WNT7B: variants seen among roughly 807,000 people sequenced by gnomAD.
WNT7B encodes the protein protein Wnt-7b.
WNT7B carries 19 observed loss-of-function variants against 38.2 expected under a neutral mutation model. That is an observed-to-expected ratio of 0.50 (90% CI 0.35 to 0.73). The LOEUF (loss-of-function observed/expected upper bound fraction) is 0.73. Ranked by LOEUF, WNT7B falls within the 30% of genes least tolerant of loss-of-function variation. WNT7B has a pLI of 0.01. For missense variants in WNT7B, 423 were observed against 507.9 expected, an observed-to-expected ratio of 0.83 and a Z score of 1.61; for synonymous variants, 243 against 209.3, an observed-to-expected ratio of 1.16 and a Z score of -1.39.
intron 2 of WNT7B, among the ~76,000 whole-genome samples, chr22:45,934,207 G>A (rs553837024): frequency 3.0e-4 from 46 of 152,328 alleles, no homozygotes; most frequent in African/African-American, 8.9e-4. Context: ...GAAGGCTGAC[G>A]GAGGAGCAAA....
intron 2 of WNT7B, among the ~76,000 whole-genome samples, chr22:45,933,908 T>A (rs1057429055): frequency 6.6e-6 from 1 of 152,070 alleles, no homozygotes; most frequent in Non-Finnish European, 1.5e-5. Flanking sequence ...TCTGTCCAGG[T>A]GCCAGGGCCA....
intron 3 of WNT7B, among the ~76,000 whole-genome samples, chr22:45,927,971 G>A (rs931436797): frequency 6.6e-6 from 1 of 152,214 alleles, no homozygotes; most frequent in African/African-American, 2.4e-5. Flanking sequence ...CTGGAGGGAT[G>A]TGGCCACAGC....
At chr22:45,928,008 C>A (rs1173870357) in intron 3 of WNT7B, among the ~76,000 whole-genome samples, 1 of 152,200 alleles carries the variant, frequency 6.6e-6, no homozygotes, top group Admixed American at 6.5e-5. Flanking sequence ...CTGAGGAATG[C>A]TGCGAGAGCC....
chr22:45,937,683 C>A (rs182302038), intron 2 of WNT7B, among the ~76,000 whole-genome samples: 2 of 152,374 alleles, frequency 1.3e-5, no homozygotes, highest in Non-Finnish European at 2.9e-5. Context: ...CAGTTCAATT[C>A]TCCTCCCGTA....
intron 1 of WNT7B, chr22:45,972,116 G>GGGGGGGGGGGCCCCCCCCCCCCCCCCCC: frequency 1.9e-6 from 1 of 530,744 alleles, no homozygotes; most frequent in Non-Finnish European, 3.3e-6. Context: ...CCCGGGGGGA[G>GGGGGGGGGGGCCCCCCCCCCCCCCCCCC]CCCACCCGCC....
chr22:45,922,820 G>C lies in WNT7B; in HGVS notation c.*36C>G. ...GAGTGGATGTGCAAAATGCCGCCGG[G>C]TTCCAGGGTGCCCGCGGCCGCCTCC... On this transcript the variant is annotated 3_prime_UTR_variant, in exon 4 of 4. Transcript: ENST00000339464. 1 of 1,566,954 alleles carries C rather than the reference G, an allele frequency of 6.4e-7. No homozygotes were observed. The highest frequency in any genetic ancestry group is 8.7e-7 in the Non-Finnish European group (1 of 1,153,290).
intron 1 of WNT7B, among the ~76,000 whole-genome samples, chr22:45,953,924 C>T (rs1209166152): frequency 6.6e-6 from 1 of 152,084 alleles, no homozygotes; most frequent in Non-Finnish European, 1.5e-5. Context: ...TCAAATGAAC[C>T]GAAGACAGGT....
chr22:45,928,364 G>A (rs1420367628), intron 3 of WNT7B, among the ~76,000 whole-genome samples: 1 of 152,180 alleles, frequency 6.6e-6, no homozygotes, highest in Non-Finnish European at 1.5e-5. Context: ...CCTTCTCCAA[G>A]GGCTCAGACC....
In WNT7B at chr22:45,975,836, C is replaced by G. The variant is rs899102562; in HGVS notation, c.71+848G>C. ...CCCCAGGCGAGGTGCACCGCACCCC[C>G]TCTCCGTCACGCCGTTTCTCCACCC... On this transcript the variant is annotated intron_variant, in intron 1 of 3. Coordinates refer to ENST00000339464, the MANE Select transcript of WNT7B (RefSeq NM_058238.3). This position sits in a 1 kb window ranked among gnomAD's most constrained non-coding sequence, Gnocchi z 6.6. 2.1e-5 allele frequency: 6 copies of G among 286,622 alleles called. No individual in the cohort carries two copies. Among genetic ancestry groups the G allele is most frequent in the Non-Finnish European group, 3.8e-5 (6 of 156,338 alleles). 17.8% of individuals were successfully genotyped at this position (286,622 alleles called of 1,614,324 possible).
rs1230417871 is a variant in WNT7B, at chr22:45,965,144, C to G, written c.71+11540G>C. Among the ~76,000 whole-genome samples, 1 of 152,122 alleles carries G rather than the reference C, an allele frequency of 6.6e-6. No homozygotes were observed. On this transcript the variant is annotated intron_variant, in intron 1 of 3. Transcript: ENST00000339464. This position sits in a 1 kb window ranked among gnomAD's most constrained non-coding sequence, Gnocchi z 6.5. ...CTCCCCACTCCTGATGCTGCCACAT[C>G]CTCTTCACACCTCCAGGTCTTTGCC...
Position 45,931,433 on chromosome 22 carries a change from C to G in WNT7B, c.299-64G>C, listed in dbSNP as rs996284548. On this transcript the variant is annotated intron_variant, in intron 2 of 3. Coordinates refer to ENST00000339464, the MANE Select transcript of WNT7B (RefSeq NM_058238.3). ...CCCTGGGCCAGGTGGGCTCAGGGGA[C>G]AGGGTGCCGGGCCTCGATCCACCTG... 27 of 1,492,510 alleles carry G rather than the reference C, an allele frequency of 1.8e-5. No individual in the cohort carries two copies. The Admixed American group carries it at 3.5e-4, about 19-fold the overall frequency. The allele number at this position is 1,492,510 out of a possible 1,614,324, so 92.5% of individuals were successfully genotyped here. A position where few individuals can be genotyped will look rare whatever the true frequency, so the allele number is the denominator to read the frequency against.
chr22:45,933,027 T>C (rs1931416241), intron 2 of WNT7B, among the ~76,000 whole-genome samples: 1 of 152,220 alleles, frequency 6.6e-6, no homozygotes. Context: ...GTGCATGCTC[T>C]GGGGCCACTT....
chr22:45,929,124 G>A (rs940457121), intron 3 of WNT7B, among the ~76,000 whole-genome samples: 1 of 152,180 alleles, frequency 6.6e-6, no homozygotes, highest in Non-Finnish European at 1.5e-5. Flanking sequence ...GAGGCTCGAG[G>A]ATGGTGGTGG....
chr22:45,933,047 CAG>C (rs1931417196), intron 2 of WNT7B, among the ~76,000 whole-genome samples: 1 of 152,232 alleles, frequency 6.6e-6, no homozygotes, highest in Non-Finnish European at 1.5e-5. Flanking sequence ...TCCTTGCCCG[CAG>C]CCTGCTGGGG....
chr22:45,948,706 C>A (rs531600777), intron 2 of WNT7B, among the ~76,000 whole-genome samples: 1 of 152,222 alleles, frequency 6.6e-6, no homozygotes, highest in African/African-American at 2.4e-5. Flanking sequence ...GGGACCCACA[C>A]GAGGGCCTAC....
chr22:45,968,296 G>C (rs1486321115), intron 1 of WNT7B, among the ~76,000 whole-genome samples: 1 of 152,138 alleles, frequency 6.6e-6, no homozygotes, highest in African/African-American at 2.4e-5. Context: ...CCTCTGTGCT[G>C]CCTGTGGCCA....
intron 1 of WNT7B, among the ~76,000 whole-genome samples, chr22:45,974,841 G>A (rs1018042591): frequency 1.3e-5 from 2 of 152,264 alleles, no homozygotes; most frequent in South Asian, 4.1e-4. Flanking sequence ...GGCCAGAGCT[G>A]CAATCCCTGT....
intron 3 of WNT7B, among the ~76,000 whole-genome samples, chr22:45,929,402 ATCCACCCG>A (rs1476151752): frequency 7.1e-6 from 1 of 140,454 alleles, no homozygotes; most frequent in Non-Finnish European, 1.6e-5. Context: ...CCATCCTTCC[ATCCACCCG>A]TGAATCCACT....
chr22:45,948,902 T>C (rs1931861642), intron 2 of WNT7B, among the ~76,000 whole-genome samples: 1 of 142,364 alleles, frequency 7.0e-6, no homozygotes. Flanking sequence ...TGGAGTACAA[T>C]GGTGCCATCT....
Sources: gnomAD v4.1 joint callset for allele counts (sites outside exome capture counted in the v4.1 genomes callset) on GRCh38, gnomAD v4.1.1 for gene constraint, Gnocchi (gnomAD v3.1) non-coding constraint, MANE v1.5 for transcripts, NCBI Gene and HGNC (gene_info 2026-07-23, HGNC 2026-07-21) for gene names.